Variants in ANK2 observed in about 807,000 individuals in gnomAD.
ANK2 encodes the protein ankyrin-2.
ANK2 carries 83 observed loss-of-function variants against 360.5 expected under a neutral mutation model. That is an observed-to-expected ratio of 0.23 (90% confidence interval 0.19 to 0.28). ANK2 has a LOEUF of 0.28. Among genes scored for constraint, ANK2 ranks in the 10% least tolerant of loss-of-function variants. The pLI is 1.00. For synonymous variants in ANK2, 1,740 were observed against 1,759.5 expected (o/e 0.99, Z 0.28); for missense variants, 4,201 against 4,795.7 (o/e 0.88, Z 3.66).
intron 1 of ANK2, among the ~76,000 whole-genome samples, chr4:113,153,088 C>CTT (rs994523417): frequency 2.8e-5 from 4 of 145,304 alleles, no homozygotes; most frequent in African/African-American, 1.0e-4. Flanking sequence ...AAATTTCAGT[C>CTT]TTTTTTTTTT....
intron 2 of ANK2, among the ~76,000 whole-genome samples, chr4:113,022,928 A>AT (rs905814995): frequency 4.3e-4 from 64 of 150,510 alleles, no homozygotes; most frequent in East Asian, 9.7e-4. Flanking sequence ...GTTTGGATTG[A>AT]TTTTTTTTTT....
intron 20 of ANK2, among the ~76,000 whole-genome samples, chr4:113,288,881 C>T (rs1044017037): frequency 6.6e-6 from 1 of 152,060 alleles, no homozygotes; most frequent in African/African-American, 2.4e-5. Flanking sequence ...GCGTGCCTTT[C>T]ATTTTTAATG....
intron 26 of ANK2, among the ~76,000 whole-genome samples, chr4:113,322,432 T>A (rs1407126561): frequency 6.6e-6 from 1 of 152,236 alleles, no homozygotes. Flanking sequence ...GTCATGATCA[T>A]AACAACATAA....
At chr4:112,773,782 A>G in the ANK2 span, among the ~76,000 whole-genome samples, 1 of 145,298 alleles carries the variant, frequency 6.9e-6, no homozygotes, top group East Asian at 1.9e-4. Flanking sequence ...AGTAAATTTT[A>G]TTTTATTTTA....
At chr4:113,067,140 GT>G (rs11458723) in intron 1 of ANK2, among the ~76,000 whole-genome samples, 1 of 151,716 alleles carries the variant, frequency 6.6e-6, no homozygotes, top group African/African-American at 2.4e-5. Flanking sequence ...ATGGCGAGAT[GT>G]TTTTTTGTCA....
At chr4:113,333,917 G>C (rs2093030403) in intron 29 of ANK2, among the ~76,000 whole-genome samples, 1 of 152,134 alleles carries the variant, frequency 6.6e-6, no homozygotes, top group Non-Finnish European at 1.5e-5. Flanking sequence ...GAGGAAAGCG[G>C]CTCTTCCTCA....
chr4:113,093,781 C>G (rs1345553884), intron 1 of ANK2, among the ~76,000 whole-genome samples: 1 of 152,214 alleles, frequency 6.6e-6, no homozygotes, highest in Non-Finnish European at 1.5e-5. Context: ...AGGCACACAA[C>G]AAACCTTCAC....
chr4:112,835,409 C>G lies in ANK2; in HGVS notation c.-40+17145C>G, dbSNP rs111630853. On this transcript the variant is annotated intron_variant, in intron 1 of 30. Coordinates refer to the ANK2 transcript ENST00000503271. Reference sequence around the variant, plus strand: ...TTTGGTTTGTTTATATTTTTTCCAACTGTATTTTCTCATATACTTATGCAT... The same window carrying G: ...TTTGGTTTGTTTATATTTTTTCCAAGTGTATTTTCTCATATACTTATGCAT... 5.4e-3 allele frequency among the ~76,000 whole-genome samples: 814 copies of G among 152,132 alleles called. 4 individuals are homozygous for G. Among genetic ancestry groups the G allele is most frequent in the African/African-American group, 0.018 (766 of 41,506 alleles).
rs547744467 is a variant in ANK2, at chr4:113,066,043, T to A, written c.84+16231T>A. Among the ~76,000 whole-genome samples the A allele has an allele frequency of 2.0e-5, 3 of 152,322 alleles. No homozygotes were observed. The South Asian group carries it at 6.2e-4, about 32-fold the overall frequency. On this transcript the variant is annotated intron_variant, in intron 1 of 45. Coordinates refer to ENST00000357077, the MANE Select transcript of ANK2 (RefSeq NM_001148.6). ...TTAGAACTAAAACAAAAAAAGTAGT[T>A]GAAATAAAAATATTATGAGGAAACA...
At chr4:113,011,027 G>T (rs2054549599) in intron 2 of ANK2, among the ~76,000 whole-genome samples, 1 of 152,062 alleles carries the variant, frequency 6.6e-6, no homozygotes, top group African/African-American at 2.4e-5. Context: ...TTAGGTTTTG[G>T]TGTCAAATGA....
intron 24 of ANK2, among the ~76,000 whole-genome samples, chr4:113,312,679 TG>T (rs1317181083): frequency 2.0e-5 from 3 of 151,866 alleles, no homozygotes; most frequent in Non-Finnish European, 4.4e-5. Flanking sequence ...TGAGGAAAAG[TG>T]GGGAGGGCAT....
the ANK2 span, chr4:112,797,409 G>C: frequency 1.3e-5 from 2 of 153,564 alleles, no homozygotes; most frequent in Non-Finnish European, 2.9e-5. Context: ...GCCATTCTAT[G>C]AATGTTGGGT....
chr4:112,777,364 G>A, the ANK2 span, among the ~76,000 whole-genome samples: 1 of 151,850 alleles, frequency 6.6e-6, no homozygotes, highest in Non-Finnish European at 1.5e-5. Context: ...TCAGCCTCCT[G>A]AATAGCTGGG....
At chr4:112,927,749 T>C (rs2092741540) in intron 2 of ANK2, among the ~76,000 whole-genome samples, 1 of 152,222 alleles carries the variant, frequency 6.6e-6, no homozygotes, top group Non-Finnish European at 1.5e-5. Flanking sequence ...GGAGAAACAT[T>C]CCTTGCTATC....
At chr4:113,082,544 G>A (rs2082833181) in intron 1 of ANK2, among the ~76,000 whole-genome samples, 1 of 152,100 alleles carries the variant, frequency 6.6e-6, no homozygotes, top group African/African-American at 2.4e-5. Flanking sequence ...ATGATGAAAT[G>A]CATAATTACT....
chr4:113,110,901 A>T (rs898509625), intron 1 of ANK2, among the ~76,000 whole-genome samples: 1 of 152,166 alleles, frequency 6.6e-6, no homozygotes, highest in Non-Finnish European at 1.5e-5. Flanking sequence ...TGTTTGATCT[A>T]TAGTTGATTT....
chr4:113,359,212 A>G lies in ANK2; in HGVS notation c.10594A>G (p.Ile3532Val). ...VETEHSVPED[I>V]FDTRPIWDES... ...GACCGAGCACTCAGTTCCTGAGGAC[A>G]TCTTTGACACAAGGCCCATTTGGGA... The change falls in exon 38 of 46, where the codon ATC becomes GTC. Residue 3532 changes from isoleucine (I) to valine (V), a missense_variant. Around this residue, in one of 4 missense-constraint regions of ANK2, gnomAD observed 2,642 missense variants for 2,714.5 expected, o/e 0.97. Transcript: ENST00000357077. 6.2e-7 allele frequency: 1 copy of G among 1,613,632 alleles called. No homozygotes were observed. The highest frequency in any genetic ancestry group is 8.5e-7 in the Non-Finnish European group (1 of 1,179,656).
At chr4:112,927,314 T>C (rs907321447) in intron 2 of ANK2, among the ~76,000 whole-genome samples, 2 of 152,242 alleles carry the variant, frequency 1.3e-5, no homozygotes, top group African/African-American at 4.8e-5. Flanking sequence ...CTTATATTGG[T>C]ATGATAGCTA....
chr4:112,724,872 A>C, the ANK2 span, among the ~76,000 whole-genome samples: 1 of 152,198 alleles, frequency 6.6e-6, no homozygotes, highest in East Asian at 1.9e-4. Flanking sequence ...ATATTTGTCC[A>C]CTCATGTTCA....
Sources: gnomAD v4.1 joint callset for allele counts (sites outside exome capture counted in the v4.1 genomes callset) on GRCh38, gnomAD v4.1.1 for gene constraint, gnomAD v4.1.1 regional missense constraint, MANE v1.5 for transcripts, NCBI Gene and HGNC (gene_info 2026-07-23, HGNC 2026-07-21) for gene names.